Variants in CTSD observed in about 807,000 individuals in gnomAD.
The protein encoded by CTSD is ceroid-lipofuscinosis, neuronal 10.
A neutral mutation model predicts 43.6 loss-of-function variants in CTSD; 28 were observed. The observed-to-expected ratio is 0.64, with a 90% confidence interval of 0.48 to 0.88. The LOEUF is 0.88. Ranked by LOEUF, CTSD falls within the 40% of genes least tolerant of loss-of-function variation. The pLI is 0.00. For synonymous variants in CTSD, 270 were observed against 249.8 expected (o/e 1.08, Z -0.76); for missense variants, 485 against 555.2 (o/e 0.87, Z 1.27).
chr11:1,755,043 G>A lies in CTSD; in HGVS notation c.705-15C>T. On this transcript the variant is annotated splice_polypyrimidine_tract_variant and intron_variant, in intron 5 of 8. Coordinates refer to ENST00000236671, the MANE Select transcript of CTSD (RefSeq NM_001909.5). ...CATCTGGGTCCCTAGGAGGAAAAGG[G>A]AGGAGTCAGCTGCCACGCCACCCCC... The A allele has an allele frequency of 1.9e-6, 3 of 1,613,626 alleles. No homozygotes were observed. Among genetic ancestry groups the A allele is most frequent in the Non-Finnish European group, 2.5e-6 (3 of 1,179,874 alleles).
Position 1,761,338 on chromosome 11 carries a change from T to C in CTSD, c.199A>G (p.Ile67Val). The change falls in exon 2 of 9, where the codon ATT becomes GTT. Residue 67 changes from isoleucine to valine, a missense_variant. Ile to Val is a conservative substitution (Grantham distance 29). Transcript: ENST00000236671. ...ATGTAGTTCTTGAGCACCTCGGGAA[T>C]GGGCCCCTCGGTCACGGCTGGCACC... ...QAVPAVTEGPIPEVLKNYMDA... is the reference protein window; with the variant it reads ...QAVPAVTEGPVPEVLKNYMDA... The C allele has an allele frequency of 6.2e-7, 1 of 1,613,858 alleles. No individual in the cohort carries two copies. The highest frequency in any genetic ancestry group is 8.5e-7 in the Non-Finnish European group (1 of 1,180,014).
chr11:1,758,938 G>T, intron 4 of CTSD, 31 bp downstream of exon 4: 1 of 1,476,190 alleles, frequency 6.8e-7, no homozygotes, highest in Non-Finnish European at 9.5e-7. Flanking sequence ...TGGCACCCTC[G>T]AGTCCTGGGA....
chr11:1,755,093 A>T, intron 5 of CTSD, 65 bp from the exon 6 acceptor site: 1 of 1,601,232 alleles, frequency 6.2e-7, no homozygotes, highest in Non-Finnish European at 8.5e-7. Flanking sequence ...CCAGGTCAGG[A>T]GTAAGAGGGT....
chr11:1,758,952 G>T lies in CTSD; in HGVS notation c.471+17C>A, dbSNP rs372855508. 37 of 1,549,832 alleles carry T rather than the reference G, an allele frequency of 2.4e-5. No homozygotes were observed. Among genetic ancestry groups the T allele is most frequent in the Non-Finnish European group, 3.1e-5 (35 of 1,121,692 alleles). On this transcript the variant is annotated intron_variant, in intron 4 of 8. Transcript: ENST00000236671. ...CTGGCACCCTCGAGTCCTGGGAAAG[G>T]CCCCAGAGGGACTCACCGACACAGT... is the stretch of plus-strand genomic sequence containing the variant.
At chr11:1,761,720 C>G (rs1462019923) in intron 1 of CTSD, 1 of 566,744 alleles carries the variant, frequency 1.8e-6, no homozygotes, top group Non-Finnish European at 3.2e-6. Flanking sequence ...CTCAGCCCCA[C>G]ACACCCAACC....
chr11:1,753,770 C>T (rs376787754), intron 8 of CTSD, 33 bp downstream of exon 8: 2 of 1,610,488 alleles, frequency 1.2e-6, no homozygotes, highest in Non-Finnish European at 1.7e-6. Flanking sequence ...CGCCCGCTCA[C>T]CTGGGGCGTG....
intron 4 of CTSD, chr11:1,758,149 A>AG: frequency 5.2e-6 from 1 of 190,926 alleles, no homozygotes; most frequent in East Asian, 1.3e-4. Flanking sequence ...CAGGCTGAGC[A>AG]GGGTCCAGAC....
In CTSD at chr11:1,758,960, G is replaced by A; in HGVS notation, c.471+9C>T. 1 of 1,583,332 alleles carries A rather than the reference G, an allele frequency of 6.3e-7. No individual in the cohort carries two copies. Among genetic ancestry groups the A allele is most frequent in the South Asian group, 1.1e-5 (1 of 90,406 alleles). The stretch of plus-strand genomic sequence containing the variant: ...CTCGAGTCCTGGGAAAGGCCCCAGA[G>A]GGACTCACCGACACAGTGTCCTGGC... On this transcript the variant is annotated intron_variant, in intron 4 of 8. Coordinates refer to ENST00000236671, the MANE Select transcript of CTSD (RefSeq NM_001909.5).
At chr11:1,761,068 G>A in intron 2 of CTSD, 1 of 553,740 alleles carries the variant, frequency 1.8e-6, no homozygotes, top group Non-Finnish European at 3.3e-6. Context: ...CAAGGCCCGA[G>A]GCCACTCCCA....
intron 6 of CTSD, among the ~76,000 whole-genome samples, chr11:1,754,519 G>A (rs1408845808): frequency 1.1e-5 from 1 of 89,518 alleles, no homozygotes; most frequent in African/African-American, 3.8e-5. Context: ...GGGATGGAGG[G>A]ATGGAGGGGA....
rs1371823186 is a variant in CTSD at position 1,759,521 on chromosome 11, G to A, written c.347C>T (p.Ala116Val). ...GGCCAGGGTTCGTGACTCACAGCAA[G>A]CGATGTCCAGCAGTTTGCAGTGGAT... Reference protein sequence around the residue: ...PSIHCKLLDIACWIHHKYNSD... With the variant: ...PSIHCKLLDIVCWIHHKYNSD... The change falls in exon 3 of 9, where the codon GCT becomes GTT. Residue 116 changes from alanine (A) to valine (V), a missense_variant. Transcript: ENST00000236671. The A allele has an allele frequency of 6.2e-7, 1 of 1,613,512 alleles. No homozygotes were observed. Among genetic ancestry groups the A allele is most frequent in the Non-Finnish European group, 8.5e-7 (1 of 1,180,000 alleles).
chr11:1,754,550 G>GGGATGGAGGGGATGGA (rs1845782263), intron 6 of CTSD, among the ~76,000 whole-genome samples: 2 of 108,552 alleles, frequency 1.8e-5, no homozygotes, highest in Admixed American at 9.6e-5. Context: ...GAGGGATGGA[G>GGGATGGAGGGGATGGA]GGGATGGAGG....
chr11:1,759,023 G>A lies in CTSD; in HGVS notation c.417C>T (p.Asp139=). 6.2e-7 allele frequency: 1 copy of A among 1,614,128 alleles called. No homozygotes were observed. The highest frequency in any genetic ancestry group is 8.5e-7 in the Non-Finnish European group (1 of 1,179,960). The change falls in exon 4 of 9, where the codon GAC becomes GAT. Residue 139 remains aspartate, a synonymous_variant. Coordinates refer to ENST00000236671, the MANE Select transcript of CTSD (RefSeq NM_001909.5). ...AGAGGCTGCCCGAGCCATAGTGGAT[G>A]TCAAACGAGGTACCATTCTTCACGT... ...STYVKNGTSF[D]IHYGSGSLSG...
chr11:1,761,438 G>A lies in CTSD; in HGVS notation c.99C>T (p.Arg33=). Residue 33 remains arginine (R), a synonymous_variant, in exon 2 of 9, where the codon CGC becomes CGT. Transcript: ENST00000236671. ...AGCCCCCAACCTCCGACATGGTCCG[G>A]CGGATGGACGTGAACTTGTGCAGCG... ...RIPLHKFTSI[R]RTMSEVGGSV... is the part of the protein sequence containing the mutation. 1 of 1,613,878 alleles carries A rather than the reference G, an allele frequency of 6.2e-7. No homozygotes were observed. Among genetic ancestry groups the A allele is most frequent in the Non-Finnish European group, 8.5e-7 (1 of 1,179,996 alleles).
In CTSD at chr11:1,761,485, G is replaced by T. The variant is rs371858126; in HGVS notation, c.69-17C>A. 1.9e-5 allele frequency: 31 copies of T among 1,613,452 alleles called. No individual in the cohort carries two copies. The highest frequency in any genetic ancestry group is 2.5e-5 in the Non-Finnish European group (30 of 1,179,912). The stretch of plus-strand genomic sequence containing the variant: ...AGCGGGATCCTGTCAACCACGGGTC[G>T]GGGCATATCAGGGAGGCCCTCCCGC... On this transcript the variant is annotated splice_polypyrimidine_tract_variant and intron_variant, in intron 1 of 8. Coordinates refer to ENST00000236671, the MANE Select transcript of CTSD (RefSeq NM_001909.5).
rs1057518289 is a variant in CTSD, at chr11:1,754,963, C to G, written c.770G>C (p.Gly257Ala). ...GGTGACATTCAGGTAGGACAGAGAA[C>G]CCTTGTAATACTTGGAGTCTGTGCC... ...LGGTDSKYYK[G>A]SLSYLNVTRK... is the part of the protein sequence containing the mutation. The change falls in exon 6 of 9, where the codon GGT (glycine) becomes GCT (alanine). Residue 257 changes from glycine (G) to alanine (A), a missense_variant. Coordinates refer to ENST00000236671, the MANE Select transcript of CTSD (RefSeq NM_001909.5). The G allele has an allele frequency of 3.1e-6, 5 of 1,613,904 alleles. No homozygotes were observed. The highest frequency in any genetic ancestry group is 4.2e-6 in the Non-Finnish European group (5 of 1,179,894).
At chr11:1,759,435 C>T (rs1845847856) in intron 3 of CTSD, 81 bp downstream of exon 3, 2 of 1,592,920 alleles carry the variant, frequency 1.3e-6, no homozygotes, top group South Asian at 1.1e-5. Context: ...ATTGCGTTGC[C>T]CAAGTGATTC....
chr11:1,756,599 C>A (rs1368577185), intron 5 of CTSD, among the ~76,000 whole-genome samples: 1 of 152,116 alleles, frequency 6.6e-6, no homozygotes, highest in Non-Finnish European at 1.5e-5. Context: ...TGCCCACCCC[C>A]AAAACAAAAG....
chr11:1,753,382 G>A lies in CTSD; in HGVS notation c.*121C>T. On this transcript the variant is annotated 3_prime_UTR_variant, in exon 9 of 9. Transcript: ENST00000236671. Reference sequence around the variant, plus strand: ...GTCGGGCTTGGGCCGCCGGCTTCCAGGGCGCCCAGGACAGTGGGCGGGCGA... The same window carrying A: ...GTCGGGCTTGGGCCGCCGGCTTCCAAGGCGCCCAGGACAGTGGGCGGGCGA... The A allele has an allele frequency of 2.4e-6, 3 of 1,270,060 alleles. No homozygotes were observed. The South Asian group carries it at 3.6e-5, about 15-fold the overall frequency. The allele number at this position is 1,270,060 out of a possible 1,614,324, so 78.7% of individuals were successfully genotyped here. A position where few individuals can be genotyped will look rare whatever the true frequency, so the allele number is the denominator to read the frequency against.
Sources: gnomAD v4.1 joint callset for allele counts (sites outside exome capture counted in the v4.1 genomes callset) on GRCh38, gnomAD v4.1.1 for gene constraint, MANE v1.5 for transcripts, NCBI Gene and HGNC (gene_info 2026-07-23, HGNC 2026-07-21) for gene names.